ADCY10: variants seen among roughly 807,000 people sequenced by gnomAD.
The protein encoded by ADCY10 is adenylate cyclase type 10.
ADCY10 carries 156 observed loss-of-function variants against 183.3 expected under a neutral mutation model. That is an observed-to-expected ratio of 0.85 (90% CI 0.75 to 0.97). The LOEUF (loss-of-function observed/expected upper bound fraction) is 0.97. ADCY10 is among the 50% of genes least tolerant of loss of function. The pLI is 0.00. For missense variants in ADCY10, 1,745 were observed against 1,934.3 expected, an observed-to-expected ratio of 0.90 and a Z score of 1.84; for synonymous variants, 645 against 670.0, an observed-to-expected ratio of 0.96 and a Z score of 0.58.
In ADCY10 at chr1:167,878,267, A is replaced by G. The variant is rs1193819376; in HGVS notation, c.1406+179T>C. On this transcript the variant is annotated intron_variant, in intron 12 of 32. Coordinates refer to ENST00000367851, the MANE Select transcript of ADCY10 (RefSeq NM_018417.6). ...AGAGAATGGGATTTTCCACCATGCC[A>G]TAGTGTCAGTCAGATGGAGGAAAGA... 3.9e-5 allele frequency among the ~76,000 whole-genome samples: 6 copies of G among 152,296 alleles called. No individual in the cohort carries two copies. The East Asian group carries it at 9.7e-4, about 25-fold the overall frequency.
At chr1:167,854,922 T>A (rs12030162) in intron 17 of ADCY10, among the ~76,000 whole-genome samples, 11,354 of 152,238 alleles carry the variant, frequency 0.075, 660 homozygotes, top group East Asian at 0.33. Flanking sequence ...GTTCAAGACA[T>A]CTTCCTTCCA....
At chr1:167,861,996 T>C (rs1450886930) in intron 14 of ADCY10, among the ~76,000 whole-genome samples, 1 of 152,216 alleles carries the variant, frequency 6.6e-6, no homozygotes, top group Non-Finnish European at 1.5e-5. Flanking sequence ...ATAATTTTCC[T>C]GAGGCCTCCC....
chr1:167,911,059 G>A (rs973178911), intron 1 of ADCY10, among the ~76,000 whole-genome samples: 1 of 152,218 alleles, frequency 6.6e-6, no homozygotes, highest in South Asian at 2.1e-4. Flanking sequence ...TGGATGGAAA[G>A]TGGGTTAGGT....
chr1:167,852,416 C>G (rs893195380), intron 18 of ADCY10, among the ~76,000 whole-genome samples: 1 of 152,004 alleles, frequency 6.6e-6, no homozygotes, highest in Admixed American at 6.5e-5. Flanking sequence ...TGCACCCCAG[C>G]CTGGGCGACA....
At chr1:167,854,127 C>G (rs531876749) in intron 18 of ADCY10, among the ~76,000 whole-genome samples, 1 of 152,226 alleles carries the variant, frequency 6.6e-6, no homozygotes, top group East Asian at 1.9e-4. Context: ...CGTGAGCCAC[C>G]GCGCCCGGCC....
chr1:167,832,499 C>A (rs916724500), intron 25 of ADCY10, among the ~76,000 whole-genome samples: 5 of 152,162 alleles, frequency 3.3e-5, no homozygotes, highest in East Asian at 1.9e-4. Flanking sequence ...GGATACCCCC[C>A]ATGTAACCCA....
intron 30 of ADCY10, chr1:167,821,213 G>A (rs1662890871): frequency 1.3e-5 from 2 of 152,360 alleles, no homozygotes; most frequent in Non-Finnish European, 2.9e-5. Flanking sequence ...ATAGCTACAT[G>A]CTTAACTGAG....
At position 167,905,157 on chromosome 1, in the gene ADCY10, C is replaced by T; in HGVS notation, c.-17G>A. Reference sequence around the variant, plus strand: ...AGTGTTCATGTTCAAGACAAATGTTCAGGATTTTATGGTGACAGGAAGCAG... The same window carrying T: ...AGTGTTCATGTTCAAGACAAATGTTTAGGATTTTATGGTGACAGGAAGCAG... On this transcript the variant is annotated 5_prime_UTR_variant, in exon 2 of 33. An upstream open reading frame in the 5' UTR loses its in-frame stop. Transcript: ENST00000367851. 6.2e-7 allele frequency: 1 copy of T among 1,614,116 alleles called. No individual in the cohort carries two copies.
rs970465942 is a variant in ADCY10 at position 167,845,380 on chromosome 1, A to G, written c.3007+183T>C. Reference sequence around the variant, plus strand: ...TAGTGAGATTGGTTCGCTAGACTCAATACAGGTACATTCCCTTACTTTTCT... The same window carrying G: ...TAGTGAGATTGGTTCGCTAGACTCAGTACAGGTACATTCCCTTACTTTTCT... On this transcript the variant is annotated intron_variant, in intron 21 of 32. Coordinates refer to ENST00000367851, the MANE Select transcript of ADCY10 (RefSeq NM_018417.6). The G allele has an allele frequency of 4.9e-5, 32 of 654,242 alleles. No homozygotes were observed. The Admixed American group carries it at 7.0e-4, about 14-fold the overall frequency. 40.5% of individuals were successfully genotyped at this position (654,242 alleles called of 1,614,324 possible).
intron 19 of ADCY10, among the ~76,000 whole-genome samples, chr1:167,847,978 G>GT (rs1344307351): frequency 6.6e-6 from 1 of 152,196 alleles, no homozygotes; most frequent in Non-Finnish European, 1.5e-5. Flanking sequence ...AACCAATGTT[G>GT]CTGTTTTTCT....
chr1:167,890,835 C>A (rs377612985), intron 8 of ADCY10, among the ~76,000 whole-genome samples: 20 of 152,160 alleles, frequency 1.3e-4, no homozygotes, highest in Non-Finnish European at 2.5e-4. Context: ...GTATTATTAT[C>A]CCCATTTTAC....
intron 11 of ADCY10, among the ~76,000 whole-genome samples, chr1:167,879,163 C>G (rs1394229432): frequency 6.6e-6 from 1 of 152,206 alleles, no homozygotes. Flanking sequence ...TGAACACCAG[C>G]TCTACCCCTA....
intron 6 of ADCY10, 104 bp from the exon 7 acceptor site, chr1:167,896,795 G>GGTC: frequency 1.3e-6 from 1 of 795,624 alleles, no homozygotes; most frequent in Non-Finnish European, 2.2e-6. Context: ...ACTGAACAGT[G>GGTC]ATTGGCACAC....
chr1:167,870,554 A>T, intron 13 of ADCY10, 144 bp from the exon 14 acceptor site: 1 of 645,460 alleles, frequency 1.5e-6, no homozygotes, highest in Admixed American at 2.6e-5. Flanking sequence ...GCACTTTGGG[A>T]GGCCGAGGTG....
chr1:167,809,472 AT>A lies in ADCY10; in HGVS notation c.*205del. On this transcript the variant is annotated 3_prime_UTR_variant, in exon 33 of 33. Coordinates refer to ENST00000367851, the MANE Select transcript of ADCY10 (RefSeq NM_018417.6). ...TAAAACAACATGAATGGTAAAAGCA[AT>A]TTTTTGTAACATTAGGAAGAAGTAA... The A allele has an allele frequency of 1.7e-6, 1 of 599,876 alleles. No individual in the cohort carries two copies. 37.2% of individuals were successfully genotyped at this position (599,876 alleles called of 1,614,324 possible).
Position 167,811,354 on chromosome 1 carries a change from C to T in ADCY10, c.4483-441G>A, listed in dbSNP as rs548536555. ...CTATAATCCCAGCACTTTGGGAGGCCGAGGTGGGTGGATCACAAGGTCAAG... is the reference window on the plus strand; with the variant it reads ...CTATAATCCCAGCACTTTGGGAGGCTGAGGTGGGTGGATCACAAGGTCAAG... On this transcript the variant is annotated intron_variant, in intron 31 of 32. Transcript: ENST00000367851. Among the ~76,000 whole-genome samples, 12 of 152,124 alleles carry T rather than the reference C, an allele frequency of 7.9e-5. No homozygotes were observed. In the South Asian group the frequency reaches 2.5e-3, roughly 32 times the overall value.
intron 1 of ADCY10, among the ~76,000 whole-genome samples, chr1:167,912,978 T>A (rs1670246566): frequency 6.6e-6 from 1 of 152,218 alleles, no homozygotes; most frequent in African/African-American, 2.4e-5. Flanking sequence ...TCATGCTATA[T>A]CCCATTTGTA....
intron 7 of ADCY10, 43 bp from the exon 8 acceptor site, chr1:167,893,984 TG>T: frequency 6.9e-7 from 1 of 1,454,484 alleles, no homozygotes. Flanking sequence ...GAGGGAAGTT[TG>T]GCTCTGCAGT....
intron 12 of ADCY10, among the ~76,000 whole-genome samples, chr1:167,875,888 G>C (rs1667421076): frequency 6.6e-6 from 1 of 152,074 alleles, no homozygotes; most frequent in Non-Finnish European, 1.5e-5. Context: ...GGGAGGGGGA[G>C]CTTGCAGTGA....
Sources: allele counts gnomAD v4.1 joint callset (sites outside exome capture counted in the v4.1 genomes callset), GRCh38; gene constraint gnomAD v4.1.1; transcripts MANE v1.5; gene names NCBI Gene and HGNC (gene_info 2026-07-23, HGNC 2026-07-21).